Variants in MIB2 observed in about 807,000 individuals in gnomAD.
The protein encoded by MIB2 is MIB E3 ubiquitin protein ligase 2.
A neutral mutation model predicts 96.6 loss-of-function variants in MIB2; 78 were observed. That is an observed-to-expected ratio of 0.81 (90% confidence interval 0.67 to 0.97). The LOEUF (loss-of-function observed/expected upper bound fraction) is 0.97, where lower values mean the gene tolerates loss of function less well. Ranked by LOEUF, MIB2 falls within the 50% of genes least tolerant of loss-of-function variation. The pLI, the probability that MIB2 is intolerant of heterozygous loss-of-function variation, is 0.00. For missense variants in MIB2, 1,543 were observed against 1,424.0 expected, an observed-to-expected ratio of 1.08 and a Z score of -1.35; for synonymous variants, 820 against 629.5, an observed-to-expected ratio of 1.30 and a Z score of -4.53.
chr1:1,620,983 G>A (rs1226359254), intron 2 of MIB2, among the ~76,000 whole-genome samples: 3 of 152,396 alleles, frequency 2.0e-5, no homozygotes, highest in Non-Finnish European at 2.9e-5. Context: ...TGGGTGAGGC[G>A]CAGTCAGCGC....
rs147261839 is a variant in MIB2, at chr1:1,622,665, G to A, written c.-22-766G>A. Among the ~76,000 whole-genome samples the A allele has an allele frequency of 7.0e-4, 106 of 152,328 alleles. No individual in the cohort carries two copies. In the East Asian group the frequency reaches 0.014, roughly 21 times the overall value. ...GGACTCAGCCCCGCTTCAGGACCCC[G>A]TGGCCACTGAGGACCCAGGAACCTG... On this transcript the variant is annotated intron_variant, in intron 2 of 19. Transcript: ENST00000355826.
chr1:1,626,673 C>T lies in MIB2; in HGVS notation c.996C>T (p.Asp332=), dbSNP rs555571273. ...LTKHHSFWVG[D]VVRVIGDLDT... ...AGCACCACTCCTTCTGGGTGGGCGA[C>T]GTGGTCCGGGTCATCGGCGACCTTG... Residue 332 remains aspartate, a synonymous_variant, in exon 9 of 20, where the codon GAC becomes GAT. Transcript: ENST00000355826. This position sits in a 1 kb window ranked among gnomAD's most constrained non-coding sequence, Gnocchi z 5.3. 29 of 1,580,000 alleles carry T rather than the reference C, an allele frequency of 1.8e-5. No individual in the cohort carries two copies. Among genetic ancestry groups the T allele is most frequent in the African/African-American group, 5.4e-5 (4 of 74,112 alleles).
At chr1:1,620,825 G>C (rs928489237) in intron 2 of MIB2, among the ~76,000 whole-genome samples, 3 of 152,262 alleles carry the variant, frequency 2.0e-5, no homozygotes, top group Non-Finnish European at 4.4e-5. Flanking sequence ...GTGGGGAGCT[G>C]CTGGGGCAGG....
Position 1,625,854 on chromosome 1 carries a change from G to A in MIB2, c.972+201G>A, listed in dbSNP as rs117209337. 5.1e-6 allele frequency: 3 copies of A among 592,658 alleles called. No homozygotes were observed. The highest frequency in any genetic ancestry group is 3.7e-5 in the African/African-American group (2 of 53,652). 36.7% of individuals were successfully genotyped at this position (592,658 alleles called of 1,614,324 possible). A position where few individuals can be genotyped will look rare whatever the true frequency, so the allele number is the denominator to read the frequency against. On this transcript the variant is annotated intron_variant, in intron 8 of 19. Transcript: ENST00000355826. The surrounding 1 kb of genome is among the most constrained non-coding windows in gnomAD (Gnocchi z 5.0). ...GGGTTGGGTGTGAAGGAACCCAGAG[G>A]AGGGTATGTCTCTGGGAGCTGGAAT...
rs1643686927 is a variant in MIB2 at position 1,616,427 on chromosome 1, G to A, written c.-129-81G>A. 1.8e-5 allele frequency: 19 copies of A among 1,037,090 alleles called. 1 individual carries two copies. Among genetic ancestry groups the A allele is most frequent in the Non-Finnish European group, 2.4e-5 (18 of 735,798 alleles). 64.2% of individuals were successfully genotyped at this position (1,037,090 alleles called of 1,614,324 possible). ...GGCCCGAGTGGACCTGGAGCCGGCG[G>A]GCAGCCCCGGGGGCAGACAGGCGAC... On this transcript the variant is annotated intron_variant, in intron 1 of 19. Coordinates refer to ENST00000355826, the MANE Select transcript of MIB2 (RefSeq NM_001170687.4).
In MIB2 at chr1:1,615,522, C is replaced by T. The variant is rs1643516892; in HGVS notation, c.-241C>T. 1.3e-6 allele frequency: 2 copies of T among 1,531,282 alleles called. No homozygotes were observed. The highest frequency in any genetic ancestry group is 1.7e-6 in the Non-Finnish European group (2 of 1,145,104). The allele number at this position is 1,531,282 out of a possible 1,614,324, so 94.9% of individuals were successfully genotyped here. On this transcript the variant is annotated 5_prime_UTR_variant, in exon 1 of 20. Transcript: ENST00000355826. The stretch of plus-strand genomic sequence containing the variant: ...CCCGCCCTTCGGGTCCCACAGTTTC[C>T]AGCCGCCGCTCTCCTCAGTGCCCGG...
At chr1:1,622,554 A>G (rs769609533) in intron 2 of MIB2, among the ~76,000 whole-genome samples, 14 of 152,270 alleles carry the variant, frequency 9.2e-5, no homozygotes, top group Non-Finnish European at 1.6e-4. Context: ...GCCGCCTGGC[A>G]TGGCGTTTGC....
In MIB2 at chr1:1,625,662, G is replaced by A. The variant is rs986534582; in HGVS notation, c.972+9G>A. On this transcript the variant is annotated intron_variant, in intron 8 of 19. Coordinates refer to ENST00000355826, the MANE Select transcript of MIB2 (RefSeq NM_001170687.4). The surrounding 1 kb of genome is among the most constrained non-coding windows in gnomAD (Gnocchi z 5.0). ...CCGGGGCGCTCACCAAGGTGCCGGGGGGGCTGGGCTGCGCCTCATCTGCTT... is the reference window on the plus strand; with the variant it reads ...CCGGGGCGCTCACCAAGGTGCCGGGAGGGCTGGGCTGCGCCTCATCTGCTT... 3.9e-6 allele frequency: 6 copies of A among 1,550,992 alleles called. No homozygotes were observed. In the African/African-American group the frequency reaches 6.8e-5, roughly 18 times the overall value.
Position 1,629,258 on chromosome 1 carries a change from G to C in MIB2, c.2328G>C (p.Leu776=), listed in dbSNP as rs747633498. ...ACCGCGGTCGGAGCCCGCTGGACCTGGCCGCCGAGGGTCGCGTGCTCAAGG... is the reference window on the plus strand; with the variant it reads ...ACCGCGGTCGGAGCCCGCTGGACCTCGCCGCCGAGGGTCGCGTGCTCAAGG... ...TNHRGRSPLD[L]AAEGRVLKAL... The change falls in exon 17 of 20, where the codon CTG becomes CTC. Residue 776 remains leucine, a synonymous_variant. Transcript: ENST00000355826. The C allele has an allele frequency of 1.9e-6, 3 of 1,544,100 alleles. No individual in the cohort carries two copies. In the African/African-American group the frequency reaches 4.3e-5, roughly 22 times the overall value.
Position 1,629,469 on chromosome 1 carries a change from C to T in MIB2, c.2466C>T (p.Gly822=), listed in dbSNP as rs773252051. The T allele has an allele frequency of 9.2e-6, 14 of 1,523,554 alleles. No homozygotes were observed. The highest frequency in any genetic ancestry group is 5.6e-5 in the African/African-American group (4 of 71,944). The allele number at this position is 1,523,554 out of a possible 1,614,324, so 94.4% of individuals were successfully genotyped here. A position where few individuals can be genotyped will look rare whatever the true frequency, so the allele number is the denominator to read the frequency against. ...TPNTVTNLHV[G]AAPGPEAAEC... The stretch of plus-strand genomic sequence containing the variant: ...ACACCGTGACGAACCTGCACGTGGG[C>T]GCCGCGCCGGGGCCCGAGGCCGCTG... Residue 822 remains glycine (G), a synonymous_variant, in exon 18 of 20, where the codon GGC becomes GGT. Coordinates refer to ENST00000355826, the MANE Select transcript of MIB2 (RefSeq NM_001170687.4).
chr1:1,628,438 C>T lies in MIB2; in HGVS notation c.1968+39C>T, dbSNP rs749762792. 32 of 1,600,850 alleles carry T rather than the reference C, an allele frequency of 2.0e-5. No individual in the cohort carries two copies. In the East Asian group the frequency reaches 2.7e-4, roughly 13 times the overall value. ...CCAGTCCTGCCCAAGGACCGGGGAG[C>T]GGGAGGCCCACTGGGGTCCCTGGGC... is the stretch of plus-strand genomic sequence containing the variant. On this transcript the variant is annotated intron_variant, in intron 15 of 19. Transcript: ENST00000355826.
chr1:1,627,464 CGGCCGGCGGGGCTG>C lies in MIB2; in HGVS notation c.1523+21_1523+34del, dbSNP rs773390068. 1 of 1,590,048 alleles carries C rather than the reference CGGCCGGCGGGGCTG, an allele frequency of 6.3e-7. No individual in the cohort carries two copies. On this transcript the variant is annotated intron_variant, in intron 12 of 19. Coordinates refer to ENST00000355826, the MANE Select transcript of MIB2 (RefSeq NM_001170687.4). ...CCTGGGGTGAGGCCTGGGAGGGGCC[CGGCCGGCGGGGCTG>C]AGCCTGTGCGTCCTGGGGTGAGGCC... is the stretch of plus-strand genomic sequence containing the variant.
intron 16 of MIB2, 87 bp downstream of exon 16, chr1:1,628,809 C>G (rs1376260814): frequency 2.5e-6 from 3 of 1,193,940 alleles, no homozygotes; most frequent in African/African-American, 1.5e-5. Flanking sequence ...TGTCCACCTT[C>G]CCCTCCAGTG....
upstream of MIB2, chr1:1,614,333 G>A (rs911641809): frequency 6.6e-6 from 1 of 152,246 alleles, no homozygotes; most frequent in Non-Finnish European, 1.5e-5. Context: ...CTTACTGCAG[G>A]GAAATTCCTC....
intron 12 of MIB2, 107 bp from the exon 13 acceptor site, chr1:1,627,566 C>T (rs377370968): frequency 2.2e-5 from 33 of 1,476,856 alleles, no homozygotes; most frequent in African/African-American, 9.9e-5. Context: ...GGGAGGGGCC[C>T]GGCGGGGCTG....
Position 1,623,596 on chromosome 1 carries a change from C to A in MIB2, c.144C>A (p.Pro48=), listed in dbSNP as rs766139606. 2 of 1,507,480 alleles carry A rather than the reference C, an allele frequency of 1.3e-6. No homozygotes were observed. The highest frequency in any genetic ancestry group is 1.8e-6 in the Non-Finnish European group (2 of 1,127,944). The allele number at this position is 1,507,480 out of a possible 1,614,324, so 93.4% of individuals were successfully genotyped here. Residue 48 remains proline, a synonymous_variant, in exon 3 of 20, where the codon CCC becomes CCA. Transcript: ENST00000355826. ...ELGRHGSPST[P]DRTVVVQWDQ... ...GCCGCCACGGCAGCCCCTCGACACC[C>A]GACCGCACAGTGGTCGTGCAGTGGG...
chr1:1,625,775 TGAAG>T lies in MIB2; in HGVS notation c.972+128_972+131del, dbSNP rs1400192084. The T allele has an allele frequency of 2.6e-6, 2 of 783,146 alleles. No individual in the cohort carries two copies. The highest frequency in any genetic ancestry group is 2.7e-5 in the East Asian group (1 of 36,812). The allele number at this position is 783,146 out of a possible 1,614,324, so 48.5% of individuals were successfully genotyped here. A position where few individuals can be genotyped will look rare whatever the true frequency, so the allele number is the denominator to read the frequency against. ...AGCTGCACCCACGAGTCCCCAGCCC[TGAAG>T]GAAGGGGAGGGACTGGTGGGTGGAG... On this transcript the variant is annotated intron_variant, in intron 8 of 19. Coordinates refer to ENST00000355826, the MANE Select transcript of MIB2 (RefSeq NM_001170687.4). This position sits in a 1 kb window ranked among gnomAD's most constrained non-coding sequence, Gnocchi z 5.0.
chr1:1,629,304 C>A lies in MIB2; in HGVS notation c.2374C>A (p.Arg792Ser). Residue 792 changes from arginine (R) to serine (S), a missense_variant, in exon 17 of 20, where the codon CGC becomes AGC. By Grantham distance (110) the Arg-to-Ser change is moderately radical (BLOSUM62 -1). Coordinates refer to ENST00000355826, the MANE Select transcript of MIB2 (RefSeq NM_001170687.4). ...CAAGGCCCTTCAGGGCTGCGCCCAGCGCTTCCGGTGAGTCCGTGGACGGCG... is the reference window on the plus strand; with the variant it reads ...CAAGGCCCTTCAGGGCTGCGCCCAGAGCTTCCGGTGAGTCCGTGGACGGCG... ...VLKALQGCAQ[R>S]FRERQAGGGA... 6.7e-7 allele frequency: 1 copy of A among 1,502,608 alleles called. No homozygotes were observed. The highest frequency in any genetic ancestry group is 8.8e-7 in the Non-Finnish European group (1 of 1,141,170). 93.1% of individuals were successfully genotyped at this position (1,502,608 alleles called of 1,614,324 possible). A position where few individuals can be genotyped will look rare whatever the true frequency, so the allele number is the denominator to read the frequency against.
rs1035578605 is a variant in MIB2 at position 1,626,387 on chromosome 1, C to T, written c.973-263C>T. On this transcript the variant is annotated intron_variant, in intron 8 of 19. Transcript: ENST00000355826. This position sits in a 1 kb window ranked among gnomAD's most constrained non-coding sequence, Gnocchi z 5.3. ...TACAGCTTCCCAGGGCCAGCCACCT[C>T]GGCTTCACACCTGCCCAGAGCTGGC... The T allele has an allele frequency of 1.8e-5, 9 of 502,738 alleles. No homozygotes were observed. The highest frequency in any genetic ancestry group is 7.8e-5 in the African/African-American group (4 of 51,294). 31.1% of individuals were successfully genotyped at this position (502,738 alleles called of 1,614,324 possible).
Sources: allele counts gnomAD v4.1 joint callset (sites outside exome capture counted in the v4.1 genomes callset), GRCh38; gene constraint gnomAD v4.1.1; non-coding constraint Gnocchi (gnomAD v3.1); transcripts MANE v1.5; gene names NCBI Gene and HGNC (gene_info 2026-07-23, HGNC 2026-07-21).